Variants in PLA2R1 observed in about 807,000 individuals in gnomAD.
PLA2R1 encodes phospholipase A2 receptor 1, also known as secretory phospholipase A2 receptor.
Under a neutral mutation model 195.9 loss-of-function variants are expected in PLA2R1, and 158 were observed. The ratio of observed to expected loss-of-function variants is 0.81; its 90% confidence interval spans 0.71 to 0.92. The LOEUF (loss-of-function observed/expected upper bound fraction) is 0.92, where lower values mean the gene tolerates loss of function less well. Ranked by LOEUF, PLA2R1 falls within the 40% of genes least tolerant of loss-of-function variation. The probability of loss-of-function intolerance (pLI) is 0.00; values close to 1 mark genes in which losing one functional copy is unlikely to be tolerated. For missense variants in PLA2R1, 1,626 were observed against 1,764.6 expected (o/e 0.92, Z 1.41); for synonymous variants, 586 against 598.2 (o/e 0.98, Z 0.30).
At chr2:160,019,172 C>T (rs1379389588) in intron 8 of PLA2R1, among the ~76,000 whole-genome samples, 1 of 152,166 alleles carries the variant, frequency 6.6e-6, no homozygotes, top group Non-Finnish European at 1.5e-5. Flanking sequence ...GGGACCACTC[C>T]ATCCACATGA....
chr2:159,942,510 C>T (rs917249229), intron 28 of PLA2R1, among the ~76,000 whole-genome samples: 1 of 152,208 alleles, frequency 6.6e-6, no homozygotes, highest in African/African-American at 2.4e-5. Flanking sequence ...AGTCCCAGCA[C>T]TGTGCTGCAA....
chr2:160,041,963 A>G, intron 3 of PLA2R1, 62 bp downstream of exon 3: 1 of 1,322,380 alleles, frequency 7.6e-7, no homozygotes, highest in Non-Finnish European at 1.1e-6. Flanking sequence ...TTAGATACAG[A>G]TAACTTTCTA....
At chr2:159,968,732 C>A (rs1432749730) in intron 19 of PLA2R1, among the ~76,000 whole-genome samples, 2 of 152,212 alleles carry the variant, frequency 1.3e-5, no homozygotes, top group African/African-American at 4.8e-5. Context: ...AAAAACCAAT[C>A]TTCAACCTAA....
At chr2:160,035,054 G>A (rs925467382) in intron 3 of PLA2R1, among the ~76,000 whole-genome samples, 1 of 152,178 alleles carries the variant, frequency 6.6e-6, no homozygotes, top group South Asian at 2.1e-4. Flanking sequence ...CATAAATGAA[G>A]TCTGTGTTTA....
At position 160,044,828 on chromosome 2, in the gene PLA2R1, T is replaced by A. The variant is rs1180067319; in HGVS notation, c.439A>T (p.Lys147Ter). The A allele has an allele frequency of 6.2e-7, 1 of 1,613,886 alleles. No homozygotes were observed. The highest frequency in any genetic ancestry group is 8.5e-7 in the Non-Finnish European group (1 of 1,179,732). Residue 147 changes from lysine (K) to a stop codon, truncating the protein, a stop_gained, in exon 2 of 30, where the codon AAG (lysine) becomes TAG (stop). Coordinates refer to ENST00000283243, the MANE Select transcript of PLA2R1 (RefSeq NM_007366.5). LOFTEE classifies it high-confidence loss of function. ...TVVASRKYIH[K>*]WISYGSGGGD... ...CCACCTGACCCATAAGAAATCCACT[T>A]ATGAATATACTTCCGTGAGGCCACC...
intron 28 of PLA2R1, among the ~76,000 whole-genome samples, chr2:159,943,524 C>T (rs548089777): frequency 6.6e-6 from 1 of 152,234 alleles, no homozygotes; most frequent in South Asian, 2.1e-4. Context: ...AGGATAGAAG[C>T]AGTGGGCGGC....
chr2:159,928,629 T>A (rs1686532101), downstream of PLA2R1, among the ~76,000 whole-genome samples: 1 of 152,058 alleles, frequency 6.6e-6, no homozygotes, highest in Non-Finnish European at 1.5e-5. Context: ...AATACTACCA[T>A]AATTCTTCAC....
intron 17 of PLA2R1, among the ~76,000 whole-genome samples, chr2:159,973,498 T>C (rs1376139680): frequency 6.6e-6 from 1 of 150,960 alleles, no homozygotes; most frequent in Non-Finnish European, 1.5e-5. Context: ...ATGAATGGGA[T>C]TAGTGCCCTT....
At chr2:159,928,922 A>G (rs1251620039), downstream of PLA2R1, among the ~76,000 whole-genome samples, 2 of 152,208 alleles carry the variant, frequency 1.3e-5, no homozygotes, top group Non-Finnish European at 2.9e-5. Flanking sequence ...CACTCAACAA[A>G]TGGTTCAGGG....
At chr2:159,944,095 T>C (rs546972248) in intron 28 of PLA2R1, among the ~76,000 whole-genome samples, 1 of 152,342 alleles carries the variant, frequency 6.6e-6, no homozygotes, top group African/African-American at 2.4e-5. Flanking sequence ...CCTGGCACTC[T>C]GTGAAAGGAT....
Position 159,933,378 on chromosome 2 carries a change from G to C in PLA2R1, c.*8400C>G, listed in dbSNP as rs1238701701. 6.6e-6 allele frequency: 1 copy of C among 152,106 alleles called. No homozygotes were observed. The highest frequency in any genetic ancestry group is 1.5e-5 in the Non-Finnish European group (1 of 68,018). The allele number at this position is 152,106 out of a possible 1,614,324, so 9.4% of individuals were successfully genotyped here. A position where few individuals can be genotyped will look rare whatever the true frequency, so the allele number is the denominator to read the frequency against. ...TAAACTTTTTCTCTAAAAATATTCT[G>C]ACCCCAAGCTAAAAACTTGCTTTCT... On this transcript the variant is annotated 3_prime_UTR_variant, in exon 30 of 30. Transcript: ENST00000283243.
chr2:160,016,479 G>GGC lies in PLA2R1; in HGVS notation c.1551+134_1551+135insGC, dbSNP rs796282213. 6.6e-3 allele frequency: 1,701 copies of GGC among 257,392 alleles called. 29 individuals are homozygous for GGC. Among genetic ancestry groups the GGC allele is most frequent in the African/African-American group, 0.037 (1,551 of 41,526 alleles). 15.9% of individuals were successfully genotyped at this position (257,392 alleles called of 1,614,324 possible). ...AAAGAGGAAAGGAAAGAAGGGGGGG[G>GGC]TGCGAGGAGAGAGAGAGAGATGAAA... On this transcript the variant is annotated intron_variant, in intron 9 of 29. Coordinates refer to ENST00000283243, the MANE Select transcript of PLA2R1 (RefSeq NM_007366.5).
chr2:160,009,518 G>A (rs1007415981), intron 10 of PLA2R1, among the ~76,000 whole-genome samples: 9 of 152,202 alleles, frequency 5.9e-5, no homozygotes, highest in Admixed American at 3.3e-4. Context: ...GTAGTTGCCA[G>A]GGTCTGGGAG....
intron 11 of PLA2R1, among the ~76,000 whole-genome samples, chr2:159,994,386 T>C (rs1691062820): frequency 6.6e-6 from 1 of 152,080 alleles, no homozygotes; most frequent in African/African-American, 2.4e-5. Flanking sequence ...TTAGGAGATC[T>C]ATCAACCAAT....
chr2:160,062,209 T>C, intron 1 of PLA2R1, 86 bp downstream of exon 1: 1 of 1,101,530 alleles, frequency 9.1e-7, no homozygotes, highest in Non-Finnish European at 1.3e-6. Context: ...GCTTGGCCCC[T>C]AGCTTCGCCC....
chr2:159,926,505 TAATTGG>T, the PLA2R1 span, among the ~76,000 whole-genome samples: 4 of 152,184 alleles, frequency 2.6e-5, no homozygotes, highest in Admixed American at 2.6e-4. Context: ...AACATGTGTT[TAATTGG>T]AATTTTATGT....
intron 1 of PLA2R1, among the ~76,000 whole-genome samples, chr2:160,049,665 A>T (rs1337678257): frequency 6.6e-6 from 1 of 152,054 alleles, no homozygotes; most frequent in African/African-American, 2.4e-5. Context: ...GTCTCTACTA[A>T]GGATACAAAA....
chr2:160,005,680 C>T lies in PLA2R1; in HGVS notation c.1806G>A (p.Gln602=), dbSNP rs1017365832. 3.1e-6 allele frequency: 5 copies of T among 1,614,096 alleles called. No individual in the cohort carries two copies. Among genetic ancestry groups the T allele is most frequent in the Non-Finnish European group, 3.4e-6 (4 of 1,179,972 alleles). ...GCTGGTGTGTGTTCCAGTGTGTGTACTGCACCGGCTCGGGTTTCTGCCCTA... is the reference window on the plus strand; with the variant it reads ...GCTGGTGTGTGTTCCAGTGTGTGTATTGCACCGGCTCGGGTTTCTGCCCTA... The part of the protein sequence containing the change: ...KPVGQKPEPV[Q]YTHWNTHQPR... Residue 602 remains glutamine, a synonymous_variant, in exon 11 of 30, where the codon CAG becomes CAA. Coordinates refer to ENST00000283243, the MANE Select transcript of PLA2R1 (RefSeq NM_007366.5).
chr2:160,056,296 G>A (rs1476503342), intron 1 of PLA2R1, among the ~76,000 whole-genome samples: 1 of 152,142 alleles, frequency 6.6e-6, no homozygotes, highest in Non-Finnish European at 1.5e-5. Context: ...ATATGCTGTG[G>A]GTTGTGATGT....
Sources: allele counts gnomAD v4.1 joint callset (sites outside exome capture counted in the v4.1 genomes callset), GRCh38; gene constraint gnomAD v4.1.1; transcripts MANE v1.5; gene names NCBI Gene and HGNC (gene_info 2026-07-23, HGNC 2026-07-21).